DMD: variants seen among roughly 807,000 people sequenced by gnomAD.
DMD encodes mutant dystrophin.
In DMD, 63 loss-of-function variants were observed where a neutral mutation model predicts 330.1. That is an observed-to-expected ratio of 0.19 (90% CI 0.16 to 0.24). DMD has a LOEUF of 0.24. Among genes scored for constraint, DMD ranks in the 10% least tolerant of loss-of-function variants. The pLI, the probability that DMD is intolerant of heterozygous loss-of-function variation, is 1.00. For missense variants in DMD, 3,344 were observed against 2,684.1 expected, an observed-to-expected ratio of 1.25 and a Z score of -5.43; for synonymous variants, 1,223 against 959.8, an observed-to-expected ratio of 1.27 and a Z score of -5.07.
chrX:32,361,257 A>G (rs2097832969), intron 37 of DMD, among the ~76,000 whole-genome samples: 1 of 111,651 alleles, frequency 9.0e-6, no homozygotes, highest in African/African-American at 3.2e-5. Context: ...AGTAAAAACA[A>G]TTGTCTTTGT....
chrX:32,081,897 TA>T (rs1445852609), intron 44 of DMD, among the ~76,000 whole-genome samples: 2 of 110,381 alleles, frequency 1.8e-5, no homozygotes, highest in African/African-American at 6.6e-5. Flanking sequence ...AAAGTAAAAA[TA>T]AAAATGTTTT....
chrX:32,352,756 G>A (rs1166011446), intron 37 of DMD, among the ~76,000 whole-genome samples: 1 of 110,889 alleles, frequency 9.0e-6, no homozygotes, highest in Non-Finnish European at 1.9e-5. Flanking sequence ...GAAATTTTCA[G>A]GCAGTCCTCG....
intron 43 of DMD, among the ~76,000 whole-genome samples, chrX:32,249,600 ACAAT>A (rs1438339680): frequency 9.0e-6 from 1 of 111,400 alleles, no homozygotes. Flanking sequence ...AAAAATTCAC[ACAAT>A]CAGAGATTGA....
Position 31,121,566 on chromosome X carries a change from C to T in DMD, c.*353G>A, listed in dbSNP as rs2032563542. ...ATAAATTTTTAAACAACCCAAAATGCGTTCCATATAAAGAAATGGCAAGTT... is the reference window on the plus strand; with the variant it reads ...ATAAATTTTTAAACAACCCAAAATGTGTTCCATATAAAGAAATGGCAAGTT... On this transcript the variant is annotated 3_prime_UTR_variant, in exon 79 of 79. Transcript: ENST00000357033. 3.8e-6 allele frequency: 1 copy of T among 264,160 alleles called. No homozygotes were observed. Among genetic ancestry groups the T allele is most frequent in the South Asian group, 7.7e-5 (1 of 13,036 alleles). The allele number at this position is 264,160 out of a possible 1,213,427, so 21.8% of individuals were successfully genotyped here. A position where few individuals can be genotyped will look rare whatever the true frequency, so the allele number is the denominator to read the frequency against.
At chrX:32,002,610 GT>G (rs894060712) in intron 44 of DMD, among the ~76,000 whole-genome samples, 15 of 109,827 alleles carry the variant, frequency 1.4e-4, no homozygotes, top group African/African-American at 4.6e-4. Context: ...TGGGGTCTTA[GT>G]TTTTTTTTAG....
intron 11 of DMD, among the ~76,000 whole-genome samples, chrX:32,626,463 C>T (rs1602283118): frequency 9.6e-6 from 1 of 104,538 alleles, no homozygotes; most frequent in African/African-American, 4.1e-5. Flanking sequence ...AACAAAACTC[C>T]GTCTTAAAAA....
chrX:32,032,772 C>A, intron 44 of DMD, among the ~76,000 whole-genome samples: 1 of 112,052 alleles, frequency 8.9e-6, no homozygotes, highest in South Asian at 3.7e-4. Context: ...CATTCAGAAT[C>A]CCTCAACTCC....
chrX:31,170,712 G>T (rs1159458182), intron 73 of DMD, among the ~76,000 whole-genome samples: 1 of 111,757 alleles, frequency 8.9e-6, no homozygotes, highest in Non-Finnish European at 1.9e-5. Flanking sequence ...ACATTTAAGT[G>T]AAGTCAACCA....
At chrX:32,182,658 G>A (rs1200715576) in intron 44 of DMD, among the ~76,000 whole-genome samples, 1 of 111,657 alleles carries the variant, frequency 9.0e-6, no homozygotes, top group Non-Finnish European at 1.9e-5. Flanking sequence ...GCACCTAACA[G>A]TGTCTAACAC....
chrX:33,204,089 G>A (rs1388675746), intron 1 of DMD, among the ~76,000 whole-genome samples: 1 of 111,848 alleles, frequency 8.9e-6, no homozygotes, highest in Non-Finnish European at 1.9e-5. Flanking sequence ...GCTTCAGATT[G>A]ATAGTCCTTC....
intron 60 of DMD, among the ~76,000 whole-genome samples, chrX:31,364,906 G>A (rs1326128639): frequency 9.1e-6 from 1 of 109,857 alleles, no homozygotes; most frequent in East Asian, 2.9e-4. Flanking sequence ...GGCCATCCTG[G>A]CTAACGGTGA....
At chrX:31,731,335 T>C (rs772758621) in intron 51 of DMD, among the ~76,000 whole-genome samples, 1 of 111,664 alleles carries the variant, frequency 9.0e-6, no homozygotes, top group African/African-American at 3.2e-5. Flanking sequence ...GTAGGAACCA[T>C]ATAGTAGCAG....
intron 9 of DMD, among the ~76,000 whole-genome samples, chrX:32,660,231 T>C (rs191942877): frequency 1.9e-5 from 2 of 105,154 alleles, no homozygotes; most frequent in East Asian, 5.7e-4. Flanking sequence ...TTACTTCTCA[T>C]ATTTTCAAGT....
At chrX:31,344,482 T>A (rs2057969596) in intron 61 of DMD, among the ~76,000 whole-genome samples, 2 of 111,259 alleles carry the variant, frequency 1.8e-5, no homozygotes, top group Admixed American at 1.9e-4. Flanking sequence ...CACGAAAATA[T>A]TGGAAAGATA....
intron 34 of DMD, among the ~76,000 whole-genome samples, chrX:32,379,439 A>T (rs12860648): frequency 0.45 from 49,108 of 109,926 alleles, 8,397 homozygotes; most frequent in East Asian, 0.75. Context: ...ATAAGAAAAA[A>T]TAAGGCTAAT....
At chrX:33,245,167 C>T (rs2052645670) in intron 1 of DMD, among the ~76,000 whole-genome samples, 1 of 110,732 alleles carries the variant, frequency 9.0e-6, no homozygotes, top group African/African-American at 3.3e-5. Context: ...TAAATATAGA[C>T]ATTTTTGCTC....
At chrX:32,147,574 T>C (rs1438784872) in intron 44 of DMD, among the ~76,000 whole-genome samples, 2 of 111,590 alleles carry the variant, frequency 1.8e-5, no homozygotes, top group Non-Finnish European at 3.8e-5. Flanking sequence ...AAATATGAAA[T>C]CAAATATAAA....
intron 41 of DMD, among the ~76,000 whole-genome samples, chrX:32,314,307 T>C (rs1051590187): frequency 9.0e-6 from 1 of 111,689 alleles, no homozygotes. Flanking sequence ...AAAGATTCCC[T>C]ATTTAATAAA....
chrX:32,469,375 A>G (rs1239615783), intron 22 of DMD, among the ~76,000 whole-genome samples: 1 of 108,924 alleles, frequency 9.2e-6, no homozygotes, highest in Non-Finnish European at 1.9e-5. Flanking sequence ...ACAAAAATGG[A>G]AAAAAAAACC....
Sources: allele counts gnomAD v4.1 joint callset (sites outside exome capture counted in the v4.1 genomes callset), GRCh38; gene constraint gnomAD v4.1.1; transcripts MANE v1.5; gene names NCBI Gene and HGNC (gene_info 2026-07-23, HGNC 2026-07-21).